Variants in BRF1 observed in about 807,000 individuals in gnomAD.
The protein encoded by BRF1 is BRF1 general transcription factor IIIB subunit, also known as transcription factor IIIB 90 kDa subunit.
In BRF1, 59 loss-of-function variants were observed where a neutral mutation model predicts 81.7. The ratio of observed to expected loss-of-function variants is 0.72; its 90% CI spans 0.59 to 0.90. The LOEUF is 0.90. Ranked by LOEUF, BRF1 falls within the 40% of genes least tolerant of loss-of-function variation. The pLI is 0.00. For synonymous variants in BRF1, 491 were observed against 395.6 expected (o/e 1.24, Z -2.86); for missense variants, 1,050 against 936.3 (o/e 1.12, Z -1.58).
intron 4 of BRF1, among the ~76,000 whole-genome samples, chr14:105,254,279 C>T (rs901995094): frequency 5.9e-5 from 9 of 152,208 alleles, no homozygotes; most frequent in African/African-American, 1.9e-4. Context: ...GTTTTTGAGA[C>T]GGAGTCTTGC....
intron 7 of BRF1, chr14:105,228,075 C>T (rs587609302): frequency 1.6e-4 from 25 of 152,304 alleles, no homozygotes; most frequent in Non-Finnish European, 3.2e-4. Flanking sequence ...GCTTGCTACG[C>T]CACTCATTTC....
chr14:105,260,437 T>C (rs971716226), intron 3 of BRF1, among the ~76,000 whole-genome samples: 34 of 151,992 alleles, frequency 2.2e-4, no homozygotes, highest in African/African-American at 7.2e-4. Context: ...AATGGTACAA[T>C]CTTGGATCAC....
chr14:105,289,812 T>C (rs2057450251), intron 1 of BRF1, among the ~76,000 whole-genome samples: 1 of 151,982 alleles, frequency 6.6e-6, no homozygotes, highest in East Asian at 1.9e-4. Flanking sequence ...ATTTTTGTAT[T>C]TTTACTAGAG....
chr14:105,270,318 A>G (rs1000259877), intron 3 of BRF1, among the ~76,000 whole-genome samples: 8 of 151,540 alleles, frequency 5.3e-5, no homozygotes, highest in African/African-American at 1.9e-4. Flanking sequence ...GGACTACAGG[A>G]GCCTGCCACC....
Position 105,286,303 on chromosome 14 carries a change from C to G in BRF1, c.258G>C (p.Leu86=). ...NLGKESRAQT[L]QNGRRHIHHL... is the part of the protein sequence containing the mutation. ...ATCCGCGGTGGGAAATACCATTCTG[C>G]AGGGTCTGCGCTCTCGACTCCTTCC... Residue 86 remains leucine, a synonymous_variant, in exon 2 of 18, where the codon CTG becomes CTC. Transcript: ENST00000547530. 1 of 1,613,090 alleles carries G rather than the reference C, an allele frequency of 6.2e-7. No individual in the cohort carries two copies. Among genetic ancestry groups the G allele is most frequent in the Non-Finnish European group, 8.5e-7 (1 of 1,179,684 alleles).
chr14:105,281,744 C>CTT (rs201600371), intron 2 of BRF1, among the ~76,000 whole-genome samples: 1 of 144,142 alleles, frequency 6.9e-6, no homozygotes, highest in African/African-American at 2.5e-5. Flanking sequence ...AATTACAAGT[C>CTT]TTTTTTTTTT....
At chr14:105,257,798 G>C (rs2055958292) in intron 3 of BRF1, among the ~76,000 whole-genome samples, 1 of 152,132 alleles carries the variant, frequency 6.6e-6, no homozygotes, top group South Asian at 2.1e-4. Flanking sequence ...AGGCCAGAAG[G>C]CTACACCCTG....
intron 3 of BRF1, among the ~76,000 whole-genome samples, chr14:105,270,007 C>A (rs888571753): frequency 6.6e-6 from 1 of 152,064 alleles, no homozygotes; most frequent in African/African-American, 2.4e-5. Flanking sequence ...AGGGTGGAGC[C>A]GGGGCAAGCA....
intron 15 of BRF1, among the ~76,000 whole-genome samples, chr14:105,214,046 C>T (rs1020964960): frequency 5.9e-5 from 9 of 152,236 alleles, no homozygotes; most frequent in South Asian, 2.1e-4. Context: ...TGGGGCGCTG[C>T]GGCCCATTGT....
At chr14:105,211,623 C>G (rs1027713625) in intron 16 of BRF1, 1 of 373,156 alleles carries the variant, frequency 2.7e-6, no homozygotes, top group Non-Finnish European at 4.9e-6. Context: ...GCCTCAGCCC[C>G]CGGGGGCTTG....
At chr14:105,293,029 C>G (rs1459710752) in intron 1 of BRF1, among the ~76,000 whole-genome samples, 1 of 152,228 alleles carries the variant, frequency 6.6e-6, no homozygotes, top group African/African-American at 2.4e-5. Flanking sequence ...GGCAACGGGA[C>G]AGAATTCACC....
intron 15 of BRF1, among the ~76,000 whole-genome samples, chr14:105,215,558 T>G (rs587632793): frequency 2.9e-5 from 4 of 137,826 alleles, no homozygotes; most frequent in African/African-American, 1.1e-4. Flanking sequence ...CACACACACA[T>G]GCACACATAC....
rs973715024 is a variant in BRF1, at chr14:105,248,709, C to T, written c.544+3798G>A. ...CCCGCGGGTCACAGCGCCGCCGCCG[C>T]CCATGCTGCTGCCCCTAGCCTGCCT... On this transcript the variant is annotated intron_variant, in intron 5 of 17. Coordinates refer to ENST00000547530, the MANE Select transcript of BRF1 (RefSeq NM_001519.4). The T allele has an allele frequency of 4.1e-6, 4 of 982,490 alleles. No individual in the cohort carries two copies. The African/African-American group carries it at 7.0e-5, about 17-fold the overall frequency. 60.9% of individuals were successfully genotyped at this position (982,490 alleles called of 1,614,324 possible). A position where few individuals can be genotyped will look rare whatever the true frequency, so the allele number is the denominator to read the frequency against.
rs1413939556 is a variant in BRF1, at chr14:105,221,827, T to C, written c.1136A>G (p.Lys379Arg). The C allele has an allele frequency of 6.2e-7, 1 of 1,610,926 alleles. No homozygotes were observed. The highest frequency in any genetic ancestry group is 1.1e-5 in the South Asian group (1 of 90,752). The change falls in exon 11 of 18, where the codon AAA (lysine) becomes AGA (arginine). Residue 379 changes from lysine to arginine, a missense_variant. Coordinates refer to ENST00000547530, the MANE Select transcript of BRF1 (RefSeq NM_001519.4). ...ELEAAASHLN[K>R]DLYRELLGGA... ...ACCAAGGAGCTCCCGGTATAAGTCT[T>C]TGTTCAGGTGGCTGGCCGCGGCTTC...
intron 5 of BRF1, 106 bp downstream of exon 5, chr14:105,252,401 G>A: frequency 1.4e-6 from 2 of 1,477,180 alleles, no homozygotes; most frequent in South Asian, 1.4e-5. Context: ...TACCTTGAGG[G>A]GTCCCATGCT....
Position 105,315,022 on chromosome 14 carries a change from C to G in BRF1, c.-162+300G>C. 8.2e-7 allele frequency: 1 copy of G among 1,225,998 alleles called. No individual in the cohort carries two copies. Among genetic ancestry groups the G allele is most frequent in the South Asian group, 1.8e-5 (1 of 54,734 alleles). 75.9% of individuals were successfully genotyped at this position (1,225,998 alleles called of 1,614,324 possible). A position where few individuals can be genotyped will look rare whatever the true frequency, so the allele number is the denominator to read the frequency against. ...ACCTGGGAGGTGGACGGCTCCAGCC[C>G]CAGCTGCGTGCCCAGGTACGCGCCG... On this transcript the variant is annotated intron_variant, in intron 1 of 17. Transcript: ENST00000327359. This position sits in a 1 kb window ranked among gnomAD's most constrained non-coding sequence, Gnocchi z 4.4.
intron 15 of BRF1, among the ~76,000 whole-genome samples, chr14:105,214,549 G>A (rs1890750645): frequency 2.1e-5 from 1 of 48,158 alleles, no homozygotes; most frequent in African/African-American, 1.7e-4. Context: ...CCACACCCCT[G>A]AGTGGCCCAG....
At chr14:105,314,952 G>T in intron 1 of BRF1, 1 of 1,179,876 alleles carries the variant, frequency 8.5e-7, no homozygotes, top group Non-Finnish European at 1.1e-6. Context: ...CCTCCCCGGC[G>T]CGCCCGGCGC....
chr14:105,241,510 T>A, intron 5 of BRF1, 96 bp from the exon 6 acceptor site: 1 of 1,506,186 alleles, frequency 6.6e-7, no homozygotes, highest in Non-Finnish European at 9.0e-7. Context: ...CCTGCACTTG[T>A]CTTTCCAGGC....
Sources: gnomAD v4.1 joint callset for allele counts (sites outside exome capture counted in the v4.1 genomes callset) on GRCh38, gnomAD v4.1.1 for gene constraint, Gnocchi (gnomAD v3.1) non-coding constraint, MANE v1.5 for transcripts, NCBI Gene and HGNC (gene_info 2026-07-23, HGNC 2026-07-21) for gene names.